Variants in REV1 observed in about 807,000 individuals in gnomAD.
REV1 encodes the protein translesion synthesis protein REV1.
REV1 carries 42 observed loss-of-function variants against 137.4 expected under a neutral mutation model. The observed-to-expected ratio is 0.31, with a 90% CI of 0.24 to 0.40. The LOEUF is 0.40. Among genes scored for constraint, REV1 ranks in the 10% least tolerant of loss-of-function variants. REV1 has a pLI of 1.00. For synonymous variants in REV1, 524 were observed against 519.2 expected (o/e 1.01, Z -0.12); for missense variants, 1,282 against 1,490.1 (o/e 0.86, Z 2.30).
At chr2:99,404,315 C>A in intron 18 of REV1, 129 bp downstream of exon 18, 1 of 682,504 alleles carries the variant, frequency 1.5e-6, no homozygotes, top group East Asian at 3.0e-5. Flanking sequence ...TCTCCCCTCC[C>A]CTCCCCTCCC....
In REV1 at chr2:99,424,215, G is replaced by A; in HGVS notation, c.1613C>T (p.Ala538Val). Residue 538 changes from alanine (A) to valine (V), a missense_variant, in exon 10 of 23, where the codon GCT becomes GTT. Around this residue, in one of 7 missense-constraint regions of REV1, gnomAD observed 372 missense variants for 482.3 expected, o/e 0.77. Transcript: ENST00000258428. The stretch of plus-strand genomic sequence containing the variant: ...ATATGCATGAAAATCGTATGGAACA[G>A]CTTGAAGATTAGGACATAGTTGTTT... ...HAKQLCPNLQAVPYDFHAYKE... is the reference protein window; with the variant it reads ...HAKQLCPNLQVVPYDFHAYKE... 6.2e-7 allele frequency: 1 copy of A among 1,613,840 alleles called. No individual in the cohort carries two copies. Among genetic ancestry groups the A allele is most frequent in the Non-Finnish European group, 8.5e-7 (1 of 1,179,734 alleles).
At chr2:99,464,416 C>T (rs1419257525) in intron 2 of REV1, among the ~76,000 whole-genome samples, 1 of 152,146 alleles carries the variant, frequency 6.6e-6, no homozygotes, top group Non-Finnish European at 1.5e-5. Flanking sequence ...TAATCCTATT[C>T]ATTAAAACTT....
intron 1 of REV1, among the ~76,000 whole-genome samples, chr2:99,468,419 C>T (rs1685057848): frequency 6.6e-6 from 1 of 152,104 alleles, no homozygotes; most frequent in African/African-American, 2.4e-5. Flanking sequence ...TAACACACTC[C>T]CTCTGTTTTT....
intron 1 of REV1, among the ~76,000 whole-genome samples, chr2:99,472,901 T>A (rs537368958): frequency 1.2e-4 from 19 of 152,356 alleles, no homozygotes; most frequent in African/African-American, 4.6e-4. Context: ...AACATTTAGA[T>A]ATAAAAATAC....
At chr2:99,477,560 T>C (rs1031452779) in intron 1 of REV1, among the ~76,000 whole-genome samples, 34 of 152,216 alleles carry the variant, frequency 2.2e-4, no homozygotes, top group African/African-American at 7.7e-4. Flanking sequence ...TGTACCCTAA[T>C]GCATAAGTAC....
At chr2:99,416,830 G>A (rs1362580884) in intron 12 of REV1, among the ~76,000 whole-genome samples, 2 of 144,412 alleles carry the variant, frequency 1.4e-5, no homozygotes, top group African/African-American at 2.6e-5. Context: ...GGAGAATGGC[G>A]TGAACCCAGA....
intron 9 of REV1, among the ~76,000 whole-genome samples, chr2:99,427,208 A>G (rs1679506619): frequency 6.6e-6 from 1 of 152,062 alleles, no homozygotes; most frequent in East Asian, 1.9e-4. Flanking sequence ...CCATCAAACC[A>G]CTGTCACTGT....
chr2:99,464,961 T>A lies in REV1; in HGVS notation c.15A>T (p.Gly5=). The A allele has an allele frequency of 6.2e-7, 1 of 1,613,320 alleles. No homozygotes were observed. Among genetic ancestry groups the A allele is most frequent in the Non-Finnish European group, 8.5e-7 (1 of 1,179,618 alleles). The change falls in exon 2 of 23, where the codon GGA becomes GGT. Residue 5 remains glycine, a synonymous_variant. Coordinates refer to ENST00000258428, the MANE Select transcript of REV1 (RefSeq NM_016316.4). MRRG[G]WRKRAENDGW... ...CATCATTTTCAGCTCGCTTCCTCCA[T>A]CCACCTCGCCTCATGGTGGAGCTTC...
intron 13 of REV1, among the ~76,000 whole-genome samples, chr2:99,411,327 C>T (rs13420293): frequency 0.18 from 26,826 of 151,826 alleles, 2,876 homozygotes; most frequent in African/African-American, 0.28. Flanking sequence ...GTTTGGTATA[C>T]CCTCAACTAT....
At chr2:99,445,756 C>A (rs917085968) in intron 4 of REV1, among the ~76,000 whole-genome samples, 2 of 152,164 alleles carry the variant, frequency 1.3e-5, no homozygotes, top group Non-Finnish European at 2.9e-5. Context: ...TTAATGTACA[C>A]AGGCTCCTCA....
At position 99,444,538 on chromosome 2, in the gene REV1, T is replaced by G. The variant is rs190310528; in HGVS notation, c.351-2069A>C. On this transcript the variant is annotated intron_variant, in intron 4 of 22. Transcript: ENST00000258428. ...CACCCACAGAATTCTTAGGCTTACA[T>G]AAGTCAGTCCATGGAGACTGCTACA... 2.6e-3 allele frequency among the ~76,000 whole-genome samples: 390 copies of G among 152,330 alleles called. 3 individuals are homozygous for G. The highest frequency in any genetic ancestry group is 9.0e-3 in the African/African-American group (376 of 41,574).
intron 21 of REV1, 131 bp downstream of exon 21, chr2:99,402,512 TG>T: frequency 1.1e-6 from 1 of 949,630 alleles, no homozygotes; most frequent in Non-Finnish European, 1.6e-6. Context: ...TTAAAAGATT[TG>T]GGGGTAGCTG....
chr2:99,433,325 GAA>G (rs1287339953), intron 8 of REV1, among the ~76,000 whole-genome samples: 1 of 152,062 alleles, frequency 6.6e-6, no homozygotes, highest in African/African-American at 2.4e-5. Flanking sequence ...AAAAATCTCT[GAA>G]AAGATTTAAA....
At chr2:99,409,877 A>G (rs1676890523) in intron 14 of REV1, among the ~76,000 whole-genome samples, 1 of 127,582 alleles carries the variant, frequency 7.8e-6, no homozygotes, top group Non-Finnish European at 1.6e-5. Flanking sequence ...CAAAAAAAAC[A>G]GCGTTTTTAA....
intron 7 of REV1, among the ~76,000 whole-genome samples, chr2:99,435,039 A>G (rs867218207): frequency 6.6e-6 from 1 of 152,178 alleles, no homozygotes. Flanking sequence ...GGATAAATAT[A>G]TATTTACTTA....
At chr2:99,460,194 A>T (rs972419254) in intron 3 of REV1, among the ~76,000 whole-genome samples, 15 of 152,236 alleles carry the variant, frequency 9.9e-5, no homozygotes, top group Admixed American at 3.3e-4. Flanking sequence ...CTCCTGCCTC[A>T]GCCTCCCGAG....
intron 3 of REV1, among the ~76,000 whole-genome samples, chr2:99,456,022 T>A (rs780143847): frequency 6.6e-6 from 1 of 152,082 alleles, no homozygotes; most frequent in Non-Finnish European, 1.5e-5. Context: ...CTCACACCAC[T>A]AAAGTGCAAC....
At chr2:99,456,326 T>C (rs979067049) in intron 3 of REV1, among the ~76,000 whole-genome samples, 61 of 152,242 alleles carry the variant, frequency 4.0e-4, no homozygotes, top group African/African-American at 1.2e-3. Flanking sequence ...TGCCCCGTGA[T>C]AGCACTTGTA....
At chr2:99,461,007 TG>T (rs1444191908) in intron 3 of REV1, among the ~76,000 whole-genome samples, 1 of 112,730 alleles carries the variant, frequency 8.9e-6, no homozygotes, top group African/African-American at 3.8e-5. Flanking sequence ...GACTGGCTAA[TG>T]TAAGAAGCAA....
Sources: allele counts gnomAD v4.1 joint callset (sites outside exome capture counted in the v4.1 genomes callset), GRCh38; gene constraint gnomAD v4.1.1; regional missense constraint gnomAD v4.1.1; transcripts MANE v1.5; gene names NCBI Gene and HGNC (gene_info 2026-07-23, HGNC 2026-07-21).